The following SLITRK5 variants were observed in gnomAD, a reference collection of about 807,000 sequenced individuals.
SLITRK5 encodes the protein SLIT and NTRK-like protein 5.
A neutral mutation model predicts 56.2 loss-of-function variants in SLITRK5; 23 were observed. That is an observed-to-expected ratio of 0.41 (90% CI 0.29 to 0.58). The LOEUF (loss-of-function observed/expected upper bound fraction) is 0.58. Among genes scored for constraint, SLITRK5 ranks in the 20% least tolerant of loss-of-function variants. The probability of loss-of-function intolerance (pLI) is 0.30; values close to 1 mark genes in which losing one functional copy is unlikely to be tolerated. For missense variants in SLITRK5, 1,289 were observed against 1,226.6 expected, an observed-to-expected ratio of 1.05 and a Z score of -0.76; for synonymous variants, 637 against 531.8, an observed-to-expected ratio of 1.20 and a Z score of -2.72.
rs142662403 is a variant in SLITRK5, at chr13:87,677,512, C to A, written c.2124C>A (p.Ser708Arg). The A allele has an allele frequency of 9.3e-6, 15 of 1,612,070 alleles. No homozygotes were observed. In the South Asian group the frequency reaches 1.4e-4, roughly 15 times the overall value. Residue 708 changes from serine to arginine, a missense_variant, in exon 2 of 2, where the codon AGC becomes AGA. Ser to Arg is a moderately radical substitution (Grantham distance 110). This residue lies in a region of SLITRK5 where 985 missense variants were observed against 906.0 expected (regional missense o/e 1.09). Coordinates refer to ENST00000683689, the MANE Select transcript of SLITRK5 (RefSeq NM_001384609.1). The surrounding 1 kb of genome is among the most constrained non-coding windows in gnomAD (Gnocchi z 4.7). ...DHTSTNNSDV[S>R]SFNMQYSVYG... ...CCAGCACCAACAACTCCGACGTGAG[C>A]TCCTTTAACATGCAGTACAGCGTGT... is the stretch of plus-strand genomic sequence containing the variant.
Position 87,677,451 on chromosome 13 carries a change from T to C in SLITRK5, c.2063T>C (p.Val688Ala). 1 of 1,612,804 alleles carries C rather than the reference T, an allele frequency of 6.2e-7. No homozygotes were observed. Among genetic ancestry groups the C allele is most frequent in the Non-Finnish European group, 8.5e-7 (1 of 1,179,974 alleles). The change falls in exon 2 of 2, where the codon GTC (valine) becomes GCC (alanine). Residue 688 changes from valine to alanine, a missense_variant. Val to Ala is a moderately conservative substitution (Grantham distance 64, BLOSUM62 0). Coordinates refer to ENST00000683689, the MANE Select transcript of SLITRK5 (RefSeq NM_001384609.1). This position sits in a 1 kb window ranked among gnomAD's most constrained non-coding sequence, Gnocchi z 4.7. ...GTGGCCGCCGGGCTCTTCGTGCTGG[T>C]CATGAAGCGCAGGAAGAAGAACCAG... The part of the protein sequence containing the change: ...VFVAAGLFVL[V>A]MKRRKKNQSD...
intron 1 of SLITRK5, chr13:87,673,404 T>A: frequency 2.3e-6 from 1 of 439,774 alleles, no homozygotes; most frequent in Non-Finnish European, 4.4e-6. Flanking sequence ...TAGAACTGAA[T>A]TAAAGTTGTA....
In SLITRK5 at chr13:87,678,399, CG is replaced by C. The variant is rs1877395226; in HGVS notation, c.*136del. ...GCCTTGGCACGGGATTTCTCAGCTT[CG>C]GTGGAAGATACGAAAAGGGTGTGCA... On this transcript the variant is annotated 3_prime_UTR_variant, in exon 2 of 2. Transcript: ENST00000683689. 1 of 845,958 alleles carries C rather than the reference CG, an allele frequency of 1.2e-6. No individual in the cohort carries two copies. Among genetic ancestry groups the C allele is most frequent in the South Asian group, 1.9e-5 (1 of 53,882 alleles). The allele number at this position is 845,958 out of a possible 1,614,324, so 52.4% of individuals were successfully genotyped here. A position where few individuals can be genotyped will look rare whatever the true frequency, so the allele number is the denominator to read the frequency against.
In SLITRK5 at chr13:87,671,694, G is replaced by C. The variant is rs888006520; in HGVS notation, c.-524G>C. 6.6e-6 allele frequency among the ~76,000 whole-genome samples: 1 copy of C among 152,036 alleles called. No homozygotes were observed. Among genetic ancestry groups the C allele is most frequent in the African/African-American group, 2.4e-5 (1 of 41,408 alleles). On this transcript the variant is annotated 5_prime_UTR_variant, in exon 1 of 2. Coordinates refer to ENST00000683689, the MANE Select transcript of SLITRK5 (RefSeq NM_001384609.1). ...GAGTTCCAACTAATGACGATTGTGC[G>C]CCGCATCTGGGGAAGGGATACAGAA... is the stretch of plus-strand genomic sequence containing the variant.
chr13:87,675,826 T>C lies in SLITRK5; in HGVS notation c.438T>C (p.Asp146=). 1 of 1,614,150 alleles carries C rather than the reference T, an allele frequency of 6.2e-7. No homozygotes were observed. The highest frequency in any genetic ancestry group is 1.1e-5 in the South Asian group (1 of 91,086). The change falls in exon 2 of 2, where the codon GAT becomes GAC. Residue 146 remains aspartate (D), a synonymous_variant. Transcript: ENST00000683689. ...LNNNKLELLR[D]DTFLGLENLE... is the part of the protein sequence containing the mutation. ...ATAATAAACTGGAACTTCTGCGAGATGATACCTTCCTTGGCTTGGAGAACC... is the reference window on the plus strand; with the variant it reads ...ATAATAAACTGGAACTTCTGCGAGACGATACCTTCCTTGGCTTGGAGAACC...
Position 87,676,130 on chromosome 13 carries a change from G to T in SLITRK5, c.742G>T (p.Asp248Tyr), listed in dbSNP as rs1250039111. The T allele has an allele frequency of 6.2e-7, 1 of 1,614,106 alleles. No individual in the cohort carries two copies. ...NCSCELISLK[D>Y]WLDSISYSAL... The stretch of plus-strand genomic sequence containing the variant: ...TTCTTGTGAGCTGATCTCTCTAAAG[G>T]ATTGGTTGGACAGCATCTCCTATTC... Residue 248 changes from aspartate to tyrosine, a missense_variant, in exon 2 of 2, where the codon GAT becomes TAT. This residue lies in a region of SLITRK5 where 13 missense variants were observed against 33.9 expected (regional missense o/e 0.38). Coordinates refer to ENST00000683689, the MANE Select transcript of SLITRK5 (RefSeq NM_001384609.1).
In SLITRK5 at chr13:87,676,474, C is replaced by G; in HGVS notation, c.1086C>G (p.Ile362Met). Residue 362 changes from isoleucine to methionine, a missense_variant, in exon 2 of 2, where the codon ATC (isoleucine) becomes ATG (methionine). By Grantham distance (10) the Ile-to-Met change is conservative. Around this residue, in one of 3 missense-constraint regions of SLITRK5, gnomAD observed 985 missense variants for 906.0 expected, o/e 1.09. Coordinates refer to ENST00000683689, the MANE Select transcript of SLITRK5 (RefSeq NM_001384609.1). ...DLGYSNYGPSIAYQTKSPVPL... is the reference protein window; with the variant it reads ...DLGYSNYGPSMAYQTKSPVPL... ...GCTACAGCAACTATGGCCCCAGCAT[C>G]GCCTATCAGACCAAATCCCCGGTGC... 1 of 1,614,082 alleles carries G rather than the reference C, an allele frequency of 6.2e-7. No individual in the cohort carries two copies. Among genetic ancestry groups the G allele is most frequent in the Non-Finnish European group, 8.5e-7 (1 of 1,180,014 alleles).
rs749277790 is a variant in SLITRK5, at chr13:87,677,441, T to C, written c.2053T>C (p.Phe685Leu). ...GTCCGTCTTCGTGGCCGCCGGGCTC[T>C]TCGTGCTGGTCATGAAGCGCAGGAA... ...IMSVFVAAGLFVLVMKRRKKN... is the reference protein window; with the variant it reads ...IMSVFVAAGLLVLVMKRRKKN... Residue 685 changes from phenylalanine (F) to leucine (L), a missense_variant, in exon 2 of 2, where the codon TTC becomes CTC. Transcript: ENST00000683689. The surrounding 1 kb of genome is among the most constrained non-coding windows in gnomAD (Gnocchi z 4.7). The C allele has an allele frequency of 1.9e-6, 3 of 1,613,206 alleles. No individual in the cohort carries two copies. The Middle Eastern group carries it at 5.0e-4, about 266-fold the overall frequency.
rs1425506746 is a variant in SLITRK5, at chr13:87,677,252, A to T, written c.1864A>T (p.Thr622Ser). Residue 622 changes from threonine to serine, a missense_variant, in exon 2 of 2, where the codon ACG (threonine) becomes TCG (serine). Coordinates refer to ENST00000683689, the MANE Select transcript of SLITRK5 (RefSeq NM_001384609.1). The surrounding 1 kb of genome is among the most constrained non-coding windows in gnomAD (Gnocchi z 4.7). ...CPDYSDVVVSTPTPSSIQVPA... is the reference protein window; with the variant it reads ...CPDYSDVVVSSPTPSSIQVPA... ...TGACTATTCAGATGTAGTAGTTTCC[A>T]CGCCCACACCCTCCTCTATCCAGGT... The T allele has an allele frequency of 6.2e-7, 1 of 1,613,952 alleles. No homozygotes were observed. Among genetic ancestry groups the T allele is most frequent in the East Asian group, 2.2e-5 (1 of 44,864 alleles).
chr13:87,672,190 C>T lies in SLITRK5; in HGVS notation c.-28C>T, dbSNP rs1295171325. Among the ~76,000 whole-genome samples, 2 of 152,088 alleles carry T rather than the reference C, an allele frequency of 1.3e-5. No homozygotes were observed. The highest frequency in any genetic ancestry group is 2.9e-5 in the Non-Finnish European group (2 of 68,006). On this transcript the variant is annotated 5_prime_UTR_variant, in exon 1 of 2. Coordinates refer to ENST00000683689, the MANE Select transcript of SLITRK5 (RefSeq NM_001384609.1). ...CCACAGCTGGGTCGGAGAAAGTTGC[C>T]CCCTATGCAGATGGCAACTGTGAGT...
chr13:87,675,809 C>A lies in SLITRK5; in HGVS notation c.421C>A (p.Leu141Met). The A allele has an allele frequency of 6.2e-7, 1 of 1,614,140 alleles. No individual in the cohort carries two copies. Among genetic ancestry groups the A allele is most frequent in the Non-Finnish European group, 8.5e-7 (1 of 1,180,030 alleles). Reference protein sequence around the residue: ...LRRLHLNNNKLELLRDDTFLG... With the variant: ...LRRLHLNNNKMELLRDDTFLG... ...GAGATTGCATCTAAACAATAATAAA[C>A]TGGAACTTCTGCGAGATGATACCTT... The change falls in exon 2 of 2, where the codon CTG (leucine) becomes ATG (methionine). Residue 141 changes from leucine (L) to methionine (M), a missense_variant. Leu to Met is a conservative substitution (Grantham distance 15). Transcript: ENST00000683689.
intron 1 of SLITRK5, chr13:87,673,438 G>A (rs1877129983): frequency 1.8e-6 from 1 of 553,616 alleles, no homozygotes; most frequent in African/African-American, 1.9e-5. Flanking sequence ...AATACTGGCT[G>A]GACTGAATTT....
At position 87,677,011 on chromosome 13, in the gene SLITRK5, C is replaced by T. The variant is rs575786545; in HGVS notation, c.1623C>T (p.Thr541=). 6.2e-6 allele frequency: 10 copies of T among 1,614,138 alleles called. No homozygotes were observed. The African/African-American group carries it at 1.1e-4, about 17-fold the overall frequency. Reference sequence around the variant, plus strand: ...TAAACCTGAGGAGTAACCACTTCACCTCCTTGCCAGTGAGTGGAGTTTTGG... The same window carrying T: ...TAAACCTGAGGAGTAACCACTTCACTTCCTTGCCAGTGAGTGGAGTTTTGG... ...LRLNLRSNHF[T]SLPVSGVLDQ... The change falls in exon 2 of 2, where the codon ACC becomes ACT. Residue 541 remains threonine (T), a synonymous_variant. Coordinates refer to ENST00000683689, the MANE Select transcript of SLITRK5 (RefSeq NM_001384609.1). The surrounding 1 kb of genome is among the most constrained non-coding windows in gnomAD (Gnocchi z 4.7).
In SLITRK5 at chr13:87,676,637, A is replaced by T; in HGVS notation, c.1249A>T (p.Thr417Ser). Residue 417 changes from threonine to serine, a missense_variant, in exon 2 of 2, where the codon ACA becomes TCA. Around this residue, in one of 3 missense-constraint regions of SLITRK5, gnomAD observed 985 missense variants for 906.0 expected, o/e 1.09. Transcript: ENST00000683689. ...CTACAATCCCAAGAAAATGTATCTGACAGAGAACTACATCGCTGTCGTGCG... is the reference window on the plus strand; with the variant it reads ...CTACAATCCCAAGAAAATGTATCTGTCAGAGAACTACATCGCTGTCGTGCG... Reference protein sequence around the residue: ...KPYNPKKMYLTENYIAVVRRT... With the variant: ...KPYNPKKMYLSENYIAVVRRT... 6.2e-7 allele frequency: 1 copy of T among 1,614,008 alleles called. No individual in the cohort carries two copies. The highest frequency in any genetic ancestry group is 2.2e-5 in the East Asian group (1 of 44,864).
rs530067041 is a variant in SLITRK5, at chr13:87,679,248, C to G, written c.*983C>G. Reference sequence around the variant, plus strand: ...TCCCAATGTATTTTAAAAAATAGGGCAATTGATTGGGCCATTCCGAGAGAA... The same window carrying G: ...TCCCAATGTATTTTAAAAAATAGGGGAATTGATTGGGCCATTCCGAGAGAA... On this transcript the variant is annotated 3_prime_UTR_variant, in exon 2 of 2. Transcript: ENST00000683689. 4 of 167,050 alleles carry G rather than the reference C, an allele frequency of 2.4e-5. No homozygotes were observed. The highest frequency in any genetic ancestry group is 9.6e-5 in the African/African-American group (4 of 41,526). The allele number at this position is 167,050 out of a possible 1,614,324, so 10.3% of individuals were successfully genotyped here. A position where few individuals can be genotyped will look rare whatever the true frequency, so the allele number is the denominator to read the frequency against.
chr13:87,677,143 C>T lies in SLITRK5; in HGVS notation c.1755C>T (p.Val585=). 1 of 1,614,178 alleles carries T rather than the reference C, an allele frequency of 6.2e-7. No homozygotes were observed. The highest frequency in any genetic ancestry group is 8.5e-7 in the Non-Finnish European group (1 of 1,180,042). ...GGGTGGAGCAGCTCAAAGTGGGCGT[C>T]CTAGTGGACGAGGTGATCTGTAAGG... ...KLWVEQLKVG[V]LVDEVICKAP... is the part of the protein sequence containing the mutation. The change falls in exon 2 of 2, where the codon GTC becomes GTT. Residue 585 remains valine (V), a synonymous_variant. Transcript: ENST00000683689. The surrounding 1 kb of genome is among the most constrained non-coding windows in gnomAD (Gnocchi z 4.7).
At chr13:87,673,674 T>C in intron 1 of SLITRK5, 3 of 480,534 alleles carry the variant, frequency 6.2e-6, no homozygotes, top group Non-Finnish European at 1.2e-5. Flanking sequence ...TTGCGAGGTT[T>C]ATGCACTGTG....
chr13:87,674,919 CG>C (rs1417158960), intron 1 of SLITRK5, among the ~76,000 whole-genome samples: 1 of 124,420 alleles, frequency 8.0e-6, no homozygotes, highest in Non-Finnish European at 1.6e-5. Flanking sequence ...GAGACCTTCA[CG>C]GTGAACTGTT....
chr13:87,676,640 G>A lies in SLITRK5; in HGVS notation c.1252G>A (p.Glu418Lys). The A allele has an allele frequency of 6.2e-7, 1 of 1,614,024 alleles. No homozygotes were observed. The highest frequency in any genetic ancestry group is 8.5e-7 in the Non-Finnish European group (1 of 1,180,040). ...CAATCCCAAGAAAATGTATCTGACA[G>A]AGAACTACATCGCTGTCGTGCGCAG... is the stretch of plus-strand genomic sequence containing the variant. ...PYNPKKMYLTENYIAVVRRTD... is the reference protein window; with the variant it reads ...PYNPKKMYLTKNYIAVVRRTD... Residue 418 changes from glutamate to lysine, a missense_variant, in exon 2 of 2, where the codon GAG (glutamate) becomes AAG (lysine). Coordinates refer to ENST00000683689, the MANE Select transcript of SLITRK5 (RefSeq NM_001384609.1).
Sources: allele counts gnomAD v4.1 joint callset (sites outside exome capture counted in the v4.1 genomes callset), GRCh38; gene constraint gnomAD v4.1.1; regional missense constraint gnomAD v4.1.1; non-coding constraint Gnocchi (gnomAD v3.1); transcripts MANE v1.5; gene names NCBI Gene and HGNC (gene_info 2026-07-23, HGNC 2026-07-21).